The following AGBL1 variants were observed in gnomAD, a reference collection of about 807,000 sequenced individuals.
The protein encoded by AGBL1 is AGBL carboxypeptidase 1, also known as cytosolic carboxypeptidase 4.
Under a neutral mutation model 118.9 loss-of-function variants are expected in AGBL1, and 130 were observed. The ratio of observed to expected loss-of-function variants is 1.09; its 90% CI spans 0.95 to 1.26. AGBL1 has a LOEUF of 1.26. Among genes scored for constraint, AGBL1 ranks in the 50% most tolerant of loss-of-function variants. AGBL1 has a pLI of 0.00. For synonymous variants in AGBL1, 555 were observed against 478.9 expected (o/e 1.16, Z -2.08); for missense variants, 1,584 against 1,298.1 (o/e 1.22, Z -3.38).
rs80332720 is a variant in AGBL1, at chr15:86,348,406, C to T, written c.2375-48960C>T. On this transcript the variant is annotated intron_variant, in intron 17 of 22. Transcript: ENST00000614907. The stretch of plus-strand genomic sequence containing the variant: ...TTCTGAGCTCTGCAGGGCACTGCTT[C>T]GCAATTACTGGTGATTTTTCCTCCA... 2.8e-3 allele frequency among the ~76,000 whole-genome samples: 432 copies of T among 152,284 alleles called. 3 individuals carry two copies. Among genetic ancestry groups the T allele is most frequent in the African/African-American group, 0.01 (420 of 41,568 alleles).
At chr15:86,489,310 A>T (rs2082750107) in intron 18 of AGBL1, among the ~76,000 whole-genome samples, 1 of 152,086 alleles carries the variant, frequency 6.6e-6, no homozygotes, top group African/African-American at 2.4e-5. Context: ...AACAGTGTGA[A>T]TGAATGAATG....
intron 16 of AGBL1, among the ~76,000 whole-genome samples, chr15:86,280,096 A>G (rs1476089144): frequency 6.6e-6 from 1 of 152,178 alleles, no homozygotes; most frequent in Non-Finnish European, 1.5e-5. Context: ...CAAGTTAAGT[A>G]TGAAGTAGGT....
chr15:86,166,255 C>T (rs1567098994), intron 5 of AGBL1, among the ~76,000 whole-genome samples: 1 of 152,156 alleles, frequency 6.6e-6, no homozygotes, highest in Non-Finnish European at 1.5e-5. Context: ...ATGTTAAGTG[C>T]TGGAGAAATG....
At chr15:86,271,781 T>A in intron 15 of AGBL1, 75 bp downstream of exon 15, 1 of 1,361,588 alleles carries the variant, frequency 7.3e-7, no homozygotes, top group Non-Finnish European at 1.0e-6. Context: ...TCCATATTGA[T>A]CTTATAAACA....
intron 22 of AGBL1, among the ~76,000 whole-genome samples, chr15:86,883,189 A>G (rs1397823393): frequency 2.0e-5 from 3 of 152,248 alleles, no homozygotes; most frequent in Non-Finnish European, 4.4e-5. Context: ...AACAAGTTAT[A>G]TTTAAATAAT....
chr15:86,430,581 T>G (rs2081923935), intron 18 of AGBL1, among the ~76,000 whole-genome samples: 2 of 151,828 alleles, frequency 1.3e-5, no homozygotes, highest in Non-Finnish European at 2.9e-5. Context: ...TATAATCTTA[T>G]CCTCAAAAGC....
At position 86,934,084 on chromosome 15, in the gene AGBL1, T is replaced by G. The variant is rs569609978; in HGVS notation, c.3222-53903T>G. ...CAGAGAGCACTGGCTTCCTGCACTA[T>G]ACTTTTAATAGAGTGTTTTTTCATC... is the stretch of plus-strand genomic sequence containing the variant. On this transcript the variant is annotated intron_variant, in intron 23 of 24. Transcript: ENST00000441037. Among the ~76,000 whole-genome samples, 71 of 152,360 alleles carry G rather than the reference T, an allele frequency of 4.7e-4. 1 individual carries two copies. The South Asian group carries it at 8.9e-3, about 19-fold the overall frequency.
intron 22 of AGBL1, among the ~76,000 whole-genome samples, chr15:86,838,796 T>C (rs2079203235): frequency 6.6e-6 from 1 of 150,800 alleles, no homozygotes; most frequent in African/African-American, 2.4e-5. Flanking sequence ...TTTAAAAAAA[T>C]AGTTGGACAT....
At chr15:86,254,698 A>G (rs1382035018) in intron 7 of AGBL1, among the ~76,000 whole-genome samples, 1 of 151,844 alleles carries the variant, frequency 6.6e-6, no homozygotes, top group African/African-American at 2.4e-5. Context: ...TCTTTTTTTG[A>G]TGCAAAGCAC....
intron 1 of AGBL1, among the ~76,000 whole-genome samples, chr15:86,120,950 G>T (rs1744964546): frequency 6.6e-6 from 1 of 151,282 alleles, no homozygotes; most frequent in Non-Finnish European, 1.5e-5. Flanking sequence ...AGGCTGGAGT[G>T]CAGTGGCATG....
chr15:86,827,937 G>GTTTTTTTTTTTTT (rs71460225), intron 22 of AGBL1, among the ~76,000 whole-genome samples: 1 of 7,802 alleles, frequency 1.3e-4, no homozygotes, highest in Non-Finnish European at 2.2e-4. Flanking sequence ...TTGATGTAGG[G>GTTTTTTTTTTTTT]CTTTTTTTTT....
intron 24 of AGBL1, among the ~76,000 whole-genome samples, chr15:86,990,594 C>G (rs921898413): frequency 6.6e-6 from 1 of 152,224 alleles, no homozygotes; most frequent in Non-Finnish European, 1.5e-5. Context: ...ATAGCACTTA[C>G]TATCTACCAG....
At chr15:86,732,944 G>A (rs1051085888) in intron 22 of AGBL1, among the ~76,000 whole-genome samples, 1 of 149,266 alleles carries the variant, frequency 6.7e-6, no homozygotes, top group African/African-American at 2.5e-5. Flanking sequence ...TATATATAGA[G>A]AGAAATATAT....
chr15:86,338,805 A>G (rs2080415085), intron 17 of AGBL1, among the ~76,000 whole-genome samples: 1 of 152,148 alleles, frequency 6.6e-6, no homozygotes, highest in South Asian at 2.1e-4. Context: ...TTCCTGGACC[A>G]TTGAAAAAGA....
intron 9 of AGBL1, among the ~76,000 whole-genome samples, chr15:86,258,292 A>G (rs1450390320): frequency 6.6e-6 from 1 of 152,172 alleles, no homozygotes; most frequent in African/African-American, 2.4e-5. Context: ...CCAATACTTT[A>G]TTCAGATGAC....
Position 86,139,457 on chromosome 15 carries a change from T to C in AGBL1, c.52-2547T>C, listed in dbSNP as rs150034414. On this transcript the variant is annotated intron_variant, in intron 1 of 22. Transcript: ENST00000614907. Reference sequence around the variant, plus strand: ...AAGTCTTTCCATCAGAACATTTTAGTGGATTTCTGTTTCTTGCCTCTGTGC... The same window carrying C: ...AAGTCTTTCCATCAGAACATTTTAGCGGATTTCTGTTTCTTGCCTCTGTGC... Among the ~76,000 whole-genome samples, 390 of 152,292 alleles carry C rather than the reference T, an allele frequency of 2.6e-3. 1 individual carries two copies. The highest frequency in any genetic ancestry group is 9.0e-3 in the African/African-American group (374 of 41,560).
intron 1 of AGBL1, among the ~76,000 whole-genome samples, chr15:86,098,318 T>C (rs1265492369): frequency 6.6e-6 from 1 of 152,180 alleles, no homozygotes; most frequent in Non-Finnish European, 1.5e-5. Context: ...TAGTTTACTA[T>C]AGTCCCATTT....
At chr15:86,429,498 C>G (rs2081908912) in intron 18 of AGBL1, among the ~76,000 whole-genome samples, 1 of 152,204 alleles carries the variant, frequency 6.6e-6, no homozygotes, top group African/African-American at 2.4e-5. Flanking sequence ...AAAATTATAG[C>G]TGGACCCAGC....
intron 18 of AGBL1, among the ~76,000 whole-genome samples, chr15:86,504,811 A>G (rs1191728331): frequency 1.3e-5 from 2 of 151,724 alleles, no homozygotes; most frequent in African/African-American, 4.8e-5. Context: ...AAATTTTATA[A>G]TTAAAAATAC....
Sources: gnomAD v4.1 joint callset for allele counts (sites outside exome capture counted in the v4.1 genomes callset) on GRCh38, gnomAD v4.1.1 for gene constraint, MANE v1.5 for transcripts, NCBI Gene and HGNC (gene_info 2026-07-23, HGNC 2026-07-21) for gene names.